TSPAN13: variants seen among roughly 807,000 people sequenced by gnomAD.
TSPAN13 encodes tetraspanin 13.
In TSPAN13, 18 loss-of-function variants were observed where a neutral mutation model predicts 26.9. The observed-to-expected ratio is 0.67, with a 90% CI of 0.46 to 0.99. TSPAN13 has a LOEUF of 0.99. Ranked by LOEUF, TSPAN13 falls within the 50% of genes least tolerant of loss-of-function variation. The pLI, the probability that TSPAN13 is intolerant of heterozygous loss-of-function variation, is 0.00. For synonymous variants in TSPAN13, 116 were observed against 98.4 expected (o/e 1.18, Z -1.06); for missense variants, 201 against 249.6 (o/e 0.81, Z 1.31).
intron 1 of TSPAN13, among the ~76,000 whole-genome samples, chr7:16,762,251 G>T (rs1166613796): frequency 1.3e-5 from 2 of 152,182 alleles, no homozygotes; most frequent in Non-Finnish European, 2.9e-5. Context: ...GCGTTTCCTT[G>T]TCCTGAAAGG....
rs1784848031 is a variant in TSPAN13 at position 16,784,308 on chromosome 7, G to T, written c.*817G>T. On this transcript the variant is annotated 3_prime_UTR_variant, in exon 6 of 6. Coordinates refer to ENST00000262067, the MANE Select transcript of TSPAN13 (RefSeq NM_014399.4). ...AATGCGTTGGCCCACGTAGCAAAAAGATATTTGATTATCTTAAAAATTGTT... is the reference window on the plus strand; with the variant it reads ...AATGCGTTGGCCCACGTAGCAAAAATATATTTGATTATCTTAAAAATTGTT... 1 of 152,164 alleles carries T rather than the reference G, an allele frequency of 6.6e-6. No individual in the cohort carries two copies. Among genetic ancestry groups the T allele is most frequent in the African/African-American group, 2.4e-5 (1 of 41,420 alleles). The allele number at this position is 152,164 out of a possible 1,614,324, so 9.4% of individuals were successfully genotyped here.
intron 1 of TSPAN13, among the ~76,000 whole-genome samples, chr7:16,773,435 GC>G (rs2115332660): frequency 6.6e-6 from 1 of 152,116 alleles, no homozygotes; most frequent in Non-Finnish European, 1.5e-5. Flanking sequence ...ACACAGCCCT[GC>G]CTGCTCATTT....
chr7:16,756,249 A>G (rs1784480201), intron 1 of TSPAN13, among the ~76,000 whole-genome samples: 1 of 152,232 alleles, frequency 6.6e-6, no homozygotes, highest in Admixed American at 6.5e-5. Flanking sequence ...GGGATTGAGC[A>G]TGAAGACTTG....
At chr7:16,779,288 C>A (rs1017254792) in intron 5 of TSPAN13, among the ~76,000 whole-genome samples, 172 bp downstream of exon 5, 39 of 152,254 alleles carry the variant, frequency 2.6e-4, no homozygotes, top group African/African-American at 9.4e-4. Context: ...ATAGCACCAA[C>A]TTTAGGACCG....
chr7:16,776,161 C>T (rs2290836), intron 1 of TSPAN13, 50 bp from the exon 2 acceptor site: 2 of 1,570,910 alleles, frequency 1.3e-6, no homozygotes, highest in African/African-American at 2.7e-5. Flanking sequence ...TTTCCCCATT[C>T]TCTCTCCTCT....
At position 16,777,875 on chromosome 7, in the gene TSPAN13, G is replaced by C; in HGVS notation, c.390G>C (p.Gly130=). The change falls in exon 4 of 6, where the codon GGG becomes GGC. Residue 130 remains glycine (G), a synonymous_variant. Transcript: ENST00000262067. ...NDIQRNLNCC[G]FRSVNPNDTC... ...TCCAGAGAAATCTAAACTGCTGTGGGTTCCGAAGTGTTAACCCAAATGACA... is the reference window on the plus strand; with the variant it reads ...TCCAGAGAAATCTAAACTGCTGTGGCTTCCGAAGTGTTAACCCAAATGACA... The C allele has an allele frequency of 1.2e-6, 2 of 1,613,678 alleles. No homozygotes were observed. The highest frequency in any genetic ancestry group is 1.7e-6 in the Non-Finnish European group (2 of 1,179,722).
At chr7:16,783,317 G>A (rs1047452962) in intron 5 of TSPAN13, 100 bp from the exon 6 acceptor site, 1 of 1,151,646 alleles carries the variant, frequency 8.7e-7, no homozygotes, top group East Asian at 2.5e-5. Context: ...AAGATGCAAA[G>A]CGATTGAGAG....
In TSPAN13 at chr7:16,776,298, G is replaced by A. The variant is rs758183648; in HGVS notation, c.151G>A (p.Ala51Thr). The A allele has an allele frequency of 7.4e-6, 12 of 1,614,104 alleles. No homozygotes were observed. In the South Asian group the frequency reaches 1.3e-4, roughly 18 times the overall value. The change falls in exon 2 of 6, where the codon GCA becomes ACA. Residue 51 changes from alanine to threonine, a missense_variant. Ala to Thr is a moderately conservative substitution (Grantham distance 58). Transcript: ENST00000262067. ...TCTCCGAGTGGTCGGCGTGGTCATT[G>A]CAGTGGGCATCTTCTTGTTCCTGAT... ...SSLRVVGVVI[A>T]VGIFLFLIAL...
intron 5 of TSPAN13, among the ~76,000 whole-genome samples, chr7:16,781,409 A>G (rs1306043668): frequency 1.3e-5 from 2 of 152,196 alleles, no homozygotes; most frequent in African/African-American, 4.8e-5. Context: ...TAGAGACCGC[A>G]GAGTTGATGA....
At chr7:16,759,578 A>G (rs1309953532) in intron 1 of TSPAN13, among the ~76,000 whole-genome samples, 1 of 152,194 alleles carries the variant, frequency 6.6e-6, no homozygotes, top group Non-Finnish European at 1.5e-5. Context: ...TCCAAACTGT[A>G]TCAAAAGGCC....
At chr7:16,758,076 C>T (rs1277935097) in intron 1 of TSPAN13, among the ~76,000 whole-genome samples, 1 of 152,076 alleles carries the variant, frequency 6.6e-6, no homozygotes, top group East Asian at 1.9e-4. Flanking sequence ...CTCAGGCGAT[C>T]CACCCGCCTC....
Position 16,753,762 on chromosome 7 carries a change from A to G in TSPAN13, c.-206A>G. ...GGGGCTCGGGCTCCTGCTCCGGCTC[A>G]GCTGCGGCGGCCGCAGGTTCCAAAG... On this transcript the variant is annotated 5_prime_UTR_variant, in exon 1 of 6. Transcript: ENST00000262067. 2.2e-6 allele frequency: 1 copy of G among 451,858 alleles called. No individual in the cohort carries two copies. Among genetic ancestry groups the G allele is most frequent in the East Asian group, 3.9e-5 (1 of 25,360 alleles). The allele number at this position is 451,858 out of a possible 1,614,324, so 28.0% of individuals were successfully genotyped here.
intron 1 of TSPAN13, among the ~76,000 whole-genome samples, chr7:16,761,680 C>G (rs1432814712): frequency 6.7e-6 from 1 of 148,292 alleles, no homozygotes; most frequent in Non-Finnish European, 1.5e-5. Flanking sequence ...CCACCCTACC[C>G]AGCTAATTAA....
chr7:16,766,219 T>C (rs1562518222), intron 1 of TSPAN13, among the ~76,000 whole-genome samples: 2 of 152,212 alleles, frequency 1.3e-5, no homozygotes, highest in Admixed American at 6.5e-5. Context: ...TTTTAGCTTT[T>C]TAAATGAAAA....
At chr7:16,776,920 C>T (rs1011986965) in intron 2 of TSPAN13, 122 bp from the exon 3 acceptor site, 195 of 498,108 alleles carry the variant, frequency 3.9e-4, no homozygotes, top group Middle Eastern at 2.1e-3. Flanking sequence ...TCTCTAAGTG[C>T]CATCTGTTCT....
At chr7:16,759,260 T>C (rs991657531) in intron 1 of TSPAN13, among the ~76,000 whole-genome samples, 2 of 152,148 alleles carry the variant, frequency 1.3e-5, no homozygotes, top group African/African-American at 4.8e-5. Flanking sequence ...GAAAAGAGGT[T>C]TAATTGGCTC....
At chr7:16,770,013 T>TA (rs1784655635) in intron 1 of TSPAN13, among the ~76,000 whole-genome samples, 2 of 152,124 alleles carry the variant, frequency 1.3e-5, no homozygotes, top group Non-Finnish European at 2.9e-5. Flanking sequence ...CAAGGGCTGT[T>TA]ACTTTTCTCT....
intron 1 of TSPAN13, among the ~76,000 whole-genome samples, chr7:16,762,301 GT>G (rs1784551155): frequency 6.6e-6 from 1 of 152,186 alleles, no homozygotes; most frequent in Non-Finnish European, 1.5e-5. Context: ...TCAGCAGTGT[GT>G]TTTGAGCACC....
intron 1 of TSPAN13, among the ~76,000 whole-genome samples, chr7:16,761,044 G>T (rs572908821): frequency 6.6e-6 from 1 of 152,296 alleles, no homozygotes; most frequent in Non-Finnish European, 1.5e-5. Flanking sequence ...GGAAGTGGTA[G>T]AGTGGGGTTG....
Sources: gnomAD v4.1 joint callset for allele counts (sites outside exome capture counted in the v4.1 genomes callset) on GRCh38, gnomAD v4.1.1 for gene constraint, MANE v1.5 for transcripts, NCBI Gene and HGNC (gene_info 2026-07-23, HGNC 2026-07-21) for gene names.